Variants in APBB2 observed in about 807,000 individuals in gnomAD.
APBB2 encodes amyloid beta precursor protein binding family B member 2.
In APBB2, 38 loss-of-function variants were observed where a neutral mutation model predicts 82.5. That is an observed-to-expected ratio of 0.46 (90% CI 0.36 to 0.60). The LOEUF (loss-of-function observed/expected upper bound fraction) is 0.60. Ranked by LOEUF, APBB2 falls within the 20% of genes least tolerant of loss-of-function variation. The pLI is 0.00. For missense variants in APBB2, 772 were observed against 972.3 expected (o/e 0.79, Z 2.74); for synonymous variants, 341 against 368.2 (o/e 0.93, Z 0.85).
intron 12 of APBB2, among the ~76,000 whole-genome samples, chr4:40,863,529 G>A (rs1185837130): frequency 5.3e-5 from 8 of 152,078 alleles, no homozygotes; most frequent in Admixed American, 3.3e-4. Context: ...GAATCCATAC[G>A]TGAATCATCT....
Position 40,827,265 on chromosome 4 carries a change from A to T in APBB2, c.1645-46T>A, listed in dbSNP as rs544836712. On this transcript the variant is annotated intron_variant, in intron 13 of 17. Transcript: ENST00000508593. ...CTTTGGAGCGTGGGTTCAAGCCCCC[A>T]TGTCTTCAGCTATTCCAGCCTGTAA... 5.5e-5 allele frequency: 85 copies of T among 1,543,396 alleles called. No homozygotes were observed. In the South Asian group the frequency reaches 8.6e-4, roughly 16 times the overall value.
chr4:40,934,462 T>C lies in APBB2; in HGVS notation c.1248A>G (p.Glu416=). Residue 416 remains glutamate (E), a synonymous_variant, in exon 10 of 18, where the codon GAA becomes GAG. Transcript: ENST00000508593. Reference sequence around the variant, plus strand: ...AAAGCAAGTCTTTACAAACCTTGGCTTCTGGGTCACTGTTGATACTACAAG... The same window carrying C: ...AAAGCAAGTCTTTACAAACCTTGGCCTCTGGGTCACTGTTGATACTACAAG... ...DDSCSINSDP[E]AKCFAVRSLG... is the part of the protein sequence containing the mutation. The C allele has an allele frequency of 6.2e-7, 1 of 1,614,156 alleles. No homozygotes were observed. Among genetic ancestry groups the C allele is most frequent in the Non-Finnish European group, 8.5e-7 (1 of 1,179,970 alleles).
chr4:41,049,664 T>C (rs1040896284), intron 4 of APBB2, among the ~76,000 whole-genome samples: 5 of 152,174 alleles, frequency 3.3e-5, no homozygotes, highest in Admixed American at 3.3e-4. Flanking sequence ...CGGGCCATGA[T>C]GACGATGGCG....
In APBB2 at chr4:40,967,364, G is replaced by A. The variant is rs568308117; in HGVS notation, c.836-22291C>T. ...TTGAAACACGCCCCTTGCTTGCCACGTTGCAGGCAATGAGAAAAAGAGCTG... is the reference window on the plus strand; with the variant it reads ...TTGAAACACGCCCCTTGCTTGCCACATTGCAGGCAATGAGAAAAAGAGCTG... On this transcript the variant is annotated intron_variant, in intron 6 of 17. Coordinates refer to ENST00000508593, the MANE Select transcript of APBB2 (RefSeq NM_004307.2). Among the ~76,000 whole-genome samples the A allele has an allele frequency of 1.1e-3, 163 of 152,318 alleles. 2 individuals are homozygous for A. The highest frequency in any genetic ancestry group is 3.3e-3 in the African/African-American group (139 of 41,568).
At chr4:40,825,603 G>A (rs987748763) in intron 15 of APBB2, among the ~76,000 whole-genome samples, 2 of 152,224 alleles carry the variant, frequency 1.3e-5, no homozygotes, top group African/African-American at 2.4e-5. Flanking sequence ...GCTCTTCCAC[G>A]GCCCTGAGTC....
At chr4:40,824,118 C>T (rs1749019552) in intron 15 of APBB2, among the ~76,000 whole-genome samples, 1 of 152,084 alleles carries the variant, frequency 6.6e-6, no homozygotes, top group Admixed American at 6.5e-5. Flanking sequence ...CACCACTGCA[C>T]TCCAGCCTGG....
chr4:41,114,403 A>T (rs1423040551), intron 2 of APBB2, among the ~76,000 whole-genome samples: 1 of 152,168 alleles, frequency 6.6e-6, no homozygotes, highest in African/African-American at 2.4e-5. Context: ...TCCCTTTGAA[A>T]ACTGGCACAA....
intron 7 of APBB2, among the ~76,000 whole-genome samples, chr4:40,942,344 G>C (rs1787223755): frequency 6.6e-6 from 1 of 152,170 alleles, no homozygotes; most frequent in Admixed American, 6.5e-5. Context: ...CAATACAAAT[G>C]GTACAGTGAG....
intron 10 of APBB2, among the ~76,000 whole-genome samples, chr4:40,905,266 T>G (rs1776405995): frequency 6.6e-6 from 1 of 152,132 alleles, no homozygotes; most frequent in African/African-American, 2.4e-5. Context: ...CTGGGTCACC[T>G]CTGTCTCTGC....
chr4:41,099,872 C>G (rs1282429822), intron 3 of APBB2, among the ~76,000 whole-genome samples: 2 of 151,974 alleles, frequency 1.3e-5, no homozygotes, highest in Admixed American at 1.3e-4. Context: ...TGTTTCTGTG[C>G]GTGCACGTGC....
intron 6 of APBB2, among the ~76,000 whole-genome samples, chr4:40,989,288 T>G (rs929830222): frequency 2.0e-5 from 3 of 152,124 alleles, no homozygotes; most frequent in African/African-American, 7.2e-5. Context: ...CCCCCTCAAC[T>G]GGTCACTGAT....
At chr4:41,196,629 G>T in intron 1 of APBB2, among the ~76,000 whole-genome samples, 1 of 134,144 alleles carries the variant, frequency 7.5e-6, no homozygotes, top group African/African-American at 2.9e-5. Flanking sequence ...TTTTGCAAGT[G>T]GGGAGAGGCT....
At chr4:40,836,789 C>A (rs911935692) in intron 12 of APBB2, among the ~76,000 whole-genome samples, 3 of 152,146 alleles carry the variant, frequency 2.0e-5, no homozygotes, top group African/African-American at 7.2e-5. Context: ...GTTTGGGGCC[C>A]AGCCTGAGGA....
At chr4:40,975,750 GAAAACA>G (rs1043414537) in intron 6 of APBB2, among the ~76,000 whole-genome samples, 4 of 51,564 alleles carry the variant, frequency 7.8e-5, no homozygotes, top group African/African-American at 2.3e-4. Flanking sequence ...AATGTAGTAA[GAAAACA>G]CACACACACA....
intron 10 of APBB2, among the ~76,000 whole-genome samples, chr4:40,896,346 A>T (rs1773655944): frequency 6.6e-6 from 1 of 152,244 alleles, no homozygotes; most frequent in Admixed American, 6.5e-5. Flanking sequence ...TACAGGCGTA[A>T]GCCACCGCAC....
At chr4:40,851,110 AC>A (rs1759198363) in intron 12 of APBB2, among the ~76,000 whole-genome samples, 1 of 152,240 alleles carries the variant, frequency 6.6e-6, no homozygotes. Flanking sequence ...GTCAAAAAAA[AC>A]AATGAACATT....
At chr4:41,131,409 T>C (rs1360813119) in intron 2 of APBB2, among the ~76,000 whole-genome samples, 2 of 152,202 alleles carry the variant, frequency 1.3e-5, no homozygotes, top group Admixed American at 6.5e-5. Flanking sequence ...CAACTGACAA[T>C]GGTGGTGTTT....
chr4:40,898,644 C>G (rs1774367311), intron 10 of APBB2, among the ~76,000 whole-genome samples: 1 of 151,886 alleles, frequency 6.6e-6, no homozygotes, highest in South Asian at 2.1e-4. Flanking sequence ...AGATTTCAGC[C>G]AAAGCCAGCA....
intron 2 of APBB2, among the ~76,000 whole-genome samples, chr4:41,132,967 C>T (rs1488239768): frequency 6.6e-6 from 1 of 151,526 alleles, no homozygotes; most frequent in East Asian, 1.9e-4. Context: ...TTAGAAAATT[C>T]AAATACAGAA....
Sources: gnomAD v4.1 joint callset for allele counts (sites outside exome capture counted in the v4.1 genomes callset) on GRCh38, gnomAD v4.1.1 for gene constraint, MANE v1.5 for transcripts, NCBI Gene and HGNC (gene_info 2026-07-23, HGNC 2026-07-21) for gene names.